The following GRAMD1C variants were observed in gnomAD, a reference collection of about 807,000 sequenced individuals.
The protein encoded by GRAMD1C is GRAM domain containing 1C.
GRAMD1C carries 89 observed loss-of-function variants against 97.8 expected under a neutral mutation model. That is an observed-to-expected ratio of 0.91 (90% CI 0.77 to 1.09). The LOEUF (loss-of-function observed/expected upper bound fraction) is 1.09, where lower values mean the gene tolerates loss of function less well. GRAMD1C is among the 50% of genes least tolerant of loss of function. The pLI is 0.00. For missense variants in GRAMD1C, 740 were observed against 766.4 expected (o/e 0.97, Z 0.41); for synonymous variants, 256 against 267.0 (o/e 0.96, Z 0.40).
At chr3:113,935,357 G>A (rs956092316) in intron 13 of GRAMD1C, among the ~76,000 whole-genome samples, 4 of 152,014 alleles carry the variant, frequency 2.6e-5, no homozygotes, top group African/African-American at 9.7e-5. Context: ...GCTTTCCTGG[G>A]CTTATGCAGC....
At chr3:113,903,993 G>A in intron 7 of GRAMD1C, 147 bp from the exon 8 acceptor site, 1 of 523,924 alleles carries the variant, frequency 1.9e-6, no homozygotes. Context: ...AGATAGCCTT[G>A]TTATAAGTAA....
rs553578124 is a variant in GRAMD1C, at chr3:113,913,912, G to A, written c.953-1789G>A. ...CCCAGGAGACTGGGGATGTGTGTGTGGGTTTAGAGGGAGTGAGGGAGATTG... is the reference window on the plus strand; with the variant it reads ...CCCAGGAGACTGGGGATGTGTGTGTAGGTTTAGAGGGAGTGAGGGAGATTG... On this transcript the variant is annotated intron_variant, in intron 9 of 17. Transcript: ENST00000358160. Among the ~76,000 whole-genome samples the A allele has an allele frequency of 7.2e-5, 11 of 152,280 alleles. No individual in the cohort carries two copies. In the East Asian group the frequency reaches 2.1e-3, roughly 29 times the overall value.
chr3:113,901,446 T>C (rs375500075), intron 7 of GRAMD1C, among the ~76,000 whole-genome samples: 2 of 152,288 alleles, frequency 1.3e-5, no homozygotes, highest in South Asian at 2.1e-4. Flanking sequence ...TCTGAGTTTA[T>C]AGATGACAGT....
chr3:113,851,015 G>T (rs1441250896), intron 2 of GRAMD1C, among the ~76,000 whole-genome samples: 1 of 152,056 alleles, frequency 6.6e-6, no homozygotes, highest in Non-Finnish European at 1.5e-5. Flanking sequence ...TGTTAGCCAG[G>T]ATGGTCTTGA....
upstream of GRAMD1C, among the ~76,000 whole-genome samples, chr3:113,835,658 G>T (rs147180164): frequency 9.8e-4 from 149 of 152,298 alleles, no homozygotes; most frequent in African/African-American, 3.1e-3. Context: ...GGAATAAAGT[G>T]AAGCTAAAGC....
intron 9 of GRAMD1C, among the ~76,000 whole-genome samples, chr3:113,911,696 T>TTTCC (rs773332639): frequency 3.0e-4 from 24 of 78,826 alleles, no homozygotes; most frequent in African/African-American, 1.0e-3. Context: ...TCTCTGTTTC[T>TTTCC]TTCCTTCCTT....
chr3:113,831,540 G>A (rs113696428), intron 1 of GRAMD1C, among the ~76,000 whole-genome samples: 2,231 of 151,746 alleles, frequency 0.015, 51 homozygotes, highest in African/African-American at 0.049. Flanking sequence ...TTCTCTCCTG[G>A]AATTCCCATT....
chr3:113,916,750 A>T (rs1190477762), intron 10 of GRAMD1C, among the ~76,000 whole-genome samples: 1 of 152,208 alleles, frequency 6.6e-6, no homozygotes, highest in Non-Finnish European at 1.5e-5. Context: ...ACTTCAAAGA[A>T]AATATATTTT....
At chr3:113,932,826 C>T (rs780594676) in intron 11 of GRAMD1C, among the ~76,000 whole-genome samples, 1 of 152,034 alleles carries the variant, frequency 6.6e-6, no homozygotes, top group Admixed American at 6.6e-5. Flanking sequence ...CCACCTCATT[C>T]TCCCAAGTAG....
intron 9 of GRAMD1C, among the ~76,000 whole-genome samples, chr3:113,914,551 T>C (rs1270004234): frequency 6.6e-6 from 1 of 152,234 alleles, no homozygotes; most frequent in Non-Finnish European, 1.5e-5. Flanking sequence ...TTTGCAGCAA[T>C]TTTTATTCTG....
intron 1 of GRAMD1C, among the ~76,000 whole-genome samples, chr3:113,841,004 T>C (rs558887407): frequency 2.6e-4 from 40 of 152,256 alleles, no homozygotes; most frequent in South Asian, 6.2e-4. Flanking sequence ...TCTCTGGAGG[T>C]GAAGACCAAC....
At chr3:113,938,766 A>T (rs995447457) in intron 15 of GRAMD1C, 1 of 152,242 alleles carries the variant, frequency 6.6e-6, no homozygotes, top group African/African-American at 2.4e-5. Flanking sequence ...TAGAACACTA[A>T]TATCTATATG....
intron 7 of GRAMD1C, among the ~76,000 whole-genome samples, chr3:113,901,498 A>G (rs1936171109): frequency 6.6e-6 from 1 of 152,210 alleles, no homozygotes; most frequent in East Asian, 1.9e-4. Context: ...ATACAATAAC[A>G]TGATTTTTCC....
At chr3:113,908,823 C>A in intron 8 of GRAMD1C, 135 bp from the exon 9 acceptor site, 1 of 548,466 alleles carries the variant, frequency 1.8e-6, no homozygotes, top group Admixed American at 3.9e-5. Context: ...AAATGTGATG[C>A]AAGTATAACA....
intron 2 of GRAMD1C, among the ~76,000 whole-genome samples, chr3:113,861,473 G>C (rs1386769101): frequency 2.0e-5 from 3 of 152,072 alleles, no homozygotes; most frequent in African/African-American, 7.2e-5. Context: ...CCTGTGAATA[G>C]CCACTGCCCT....
At chr3:113,909,589 A>T (rs1030167979) in intron 9 of GRAMD1C, among the ~76,000 whole-genome samples, 11 of 152,136 alleles carry the variant, frequency 7.2e-5, no homozygotes, top group Non-Finnish European at 1.5e-5. Context: ...TTACTTCAAT[A>T]CTGCCCAAGT....
rs1559826339 is a variant in GRAMD1C, at chr3:113,936,381, T to C, written c.1572T>C (p.Pro524=). Residue 524 remains proline, a synonymous_variant, in exon 14 of 18, where the codon CCT becomes CCC. Coordinates refer to ENST00000358160, the MANE Select transcript of GRAMD1C (RefSeq NM_017577.5). ...RTFNRTAETV[P]KLSSQHSSGD... ...TCAACCGAACAGCAGAAACAGTTCC[T>C]AAACTTTCCTCTCAGCATTCCTCTG... The C allele has an allele frequency of 1.9e-6, 3 of 1,613,844 alleles. No homozygotes were observed. The highest frequency in any genetic ancestry group is 2.5e-6 in the Non-Finnish European group (3 of 1,179,754).
intron 10 of GRAMD1C, among the ~76,000 whole-genome samples, chr3:113,919,065 T>C (rs1936939350): frequency 6.6e-6 from 1 of 152,162 alleles, no homozygotes; most frequent in Non-Finnish European, 1.5e-5. Context: ...TTTTAAATAA[T>C]CAATTATTTG....
chr3:113,928,259 C>T (rs1002865620), intron 10 of GRAMD1C, among the ~76,000 whole-genome samples: 5 of 152,124 alleles, frequency 3.3e-5, no homozygotes, highest in Non-Finnish European at 5.9e-5. Flanking sequence ...CCTGTTGTTT[C>T]CTGTTTGTGA....
Sources: allele counts gnomAD v4.1 joint callset (sites outside exome capture counted in the v4.1 genomes callset), GRCh38; gene constraint gnomAD v4.1.1; transcripts MANE v1.5; gene names NCBI Gene and HGNC (gene_info 2026-07-23, HGNC 2026-07-21).